Variants in CCDC102B observed in about 807,000 individuals in gnomAD.
CCDC102B encodes the protein coiled-coil domain-containing protein 102B.
A neutral mutation model predicts 57.4 loss-of-function variants in CCDC102B; 75 were observed. The ratio of observed to expected loss-of-function variants is 1.31; its 90% CI spans 1.08 to 1.58. The LOEUF (loss-of-function observed/expected upper bound fraction) is 1.58, where lower values mean the gene tolerates loss of function less well. CCDC102B is among the 40% of genes most tolerant of loss of function. CCDC102B has a pLI of 0.00. For missense variants in CCDC102B, 636 were observed against 582.6 expected, an observed-to-expected ratio of 1.09 and a Z score of -0.94; for synonymous variants, 206 against 201.9, an observed-to-expected ratio of 1.02 and a Z score of -0.17.
chr18:68,768,635 A>T (rs567759437), intron 2 of CCDC102B, among the ~76,000 whole-genome samples: 12 of 152,262 alleles, frequency 7.9e-5, no homozygotes, highest in Admixed American at 3.9e-4. Flanking sequence ...GAGATTTGAT[A>T]TTTTTGTTTA....
chr18:68,889,719 G>A (rs544431338), intron 5 of CCDC102B, among the ~76,000 whole-genome samples: 4 of 152,276 alleles, frequency 2.6e-5, no homozygotes, highest in Non-Finnish European at 2.9e-5. Context: ...GATTACAGGC[G>A]TGAGCCACCG....
chr18:68,857,909 A>T (rs965488242), intron 4 of CCDC102B, among the ~76,000 whole-genome samples: 19 of 152,132 alleles, frequency 1.2e-4, no homozygotes, highest in Admixed American at 2.6e-4. Context: ...TACACTCTGA[A>T]GTTTTTATTT....
intron 6 of CCDC102B, among the ~76,000 whole-genome samples, chr18:69,004,325 T>C (rs1025913444): frequency 1.3e-5 from 2 of 152,174 alleles, no homozygotes; most frequent in African/African-American, 2.4e-5. Flanking sequence ...GCCGTGATCA[T>C]GGGACCTCAG....
In CCDC102B at chr18:68,836,995, C is replaced by T. The variant is rs771477062; in HGVS notation, c.232C>T (p.Leu78Phe). ...TTGTGAAGAACTTCGCCTGCGGGAG[C>T]TTGAAGAAGTCAAGGCCAGAGCTGC... ...DICEELRLRE[L>F]EEVKARAAQM... Residue 78 changes from leucine (L) to phenylalanine (F), a missense_variant, in exon 2 of 8, where the codon CTT becomes TTT. Transcript: ENST00000360242. The T allele has an allele frequency of 6.2e-7, 1 of 1,613,988 alleles. No individual in the cohort carries two copies. Among genetic ancestry groups the T allele is most frequent in the East Asian group, 2.2e-5 (1 of 44,876 alleles).
intron 7 of CCDC102B, among the ~76,000 whole-genome samples, chr18:69,041,776 G>T (rs2052441641): frequency 6.6e-6 from 1 of 151,808 alleles, no homozygotes; most frequent in South Asian, 2.1e-4. Flanking sequence ...CTCTGATTTT[G>T]GTTATTTCTT....
intron 1 of CCDC102B, among the ~76,000 whole-genome samples, chr18:68,810,767 T>A (rs2036233065): frequency 6.9e-6 from 1 of 145,400 alleles, no homozygotes; most frequent in Non-Finnish European, 1.5e-5. Flanking sequence ...GGTATACACG[T>A]GCCATGGTGG....
At chr18:69,011,630 C>CA (rs1217296249) in intron 7 of CCDC102B, among the ~76,000 whole-genome samples, 5 of 151,536 alleles carry the variant, frequency 3.3e-5, no homozygotes, top group African/African-American at 4.9e-5. Context: ...CACACAGTTA[C>CA]AACTGTGGGG....
At position 68,838,908 on chromosome 18, in the gene CCDC102B, T is replaced by C; in HGVS notation, c.809T>C (p.Ile270Thr). ...GTGCATTTGGATGAATTCCAAAAAA[T>C]CTTATGGAAGGAAAGAGAGTAAGTG... ...LQVHLDEFQKILWKEREMRTA... is the reference protein window; with the variant it reads ...LQVHLDEFQKTLWKEREMRTA... The change falls in exon 3 of 8, where the codon ATC becomes ACC. Residue 270 changes from isoleucine (I) to threonine (T), a missense_variant. Ile to Thr is a moderately conservative substitution (Grantham distance 89). Transcript: ENST00000360242. The C allele has an allele frequency of 6.2e-7, 1 of 1,613,726 alleles. No individual in the cohort carries two copies.
intron 6 of CCDC102B, among the ~76,000 whole-genome samples, chr18:68,960,113 G>A (rs1358973089): frequency 6.6e-6 from 1 of 152,154 alleles, no homozygotes; most frequent in Non-Finnish European, 1.5e-5. Flanking sequence ...TACACCTATA[G>A]CCAGTAGAGC....
chr18:68,894,818 A>T (rs527561480), intron 5 of CCDC102B, among the ~76,000 whole-genome samples: 35 of 151,844 alleles, frequency 2.3e-4, no homozygotes, highest in Admixed American at 3.3e-4. Context: ...TACTGCTAAA[A>T]TCATTACTTA....
chr18:69,034,021 TC>T (rs1172160082), intron 7 of CCDC102B, among the ~76,000 whole-genome samples: 1 of 152,046 alleles, frequency 6.6e-6, no homozygotes, highest in Non-Finnish European at 1.5e-5. Flanking sequence ...ATTCACATCT[TC>T]TGCTCATTTC....
intron 6 of CCDC102B, among the ~76,000 whole-genome samples, chr18:68,910,082 T>A (rs1416708610): frequency 6.6e-6 from 1 of 152,038 alleles, no homozygotes; most frequent in Non-Finnish European, 1.5e-5. Context: ...TGAGGCCCGG[T>A]CAAATCATTT....
At chr18:69,027,345 T>A (rs2052020457) in intron 7 of CCDC102B, among the ~76,000 whole-genome samples, 1 of 152,178 alleles carries the variant, frequency 6.6e-6, no homozygotes, top group Non-Finnish European at 1.5e-5. Flanking sequence ...TCCTAATAAG[T>A]CATAAAACTA....
At position 69,017,290 on chromosome 18, in the gene CCDC102B, G is replaced by A. The variant is rs545654600; in HGVS notation, c.1434+6186G>A. 2.8e-4 allele frequency among the ~76,000 whole-genome samples: 43 copies of A among 151,670 alleles called. 2 individuals are homozygous for A. The South Asian group carries it at 8.4e-3, about 29-fold the overall frequency. On this transcript the variant is annotated intron_variant, in intron 7 of 7. Coordinates refer to ENST00000360242, the MANE Select transcript of CCDC102B (RefSeq NM_024781.3). ...GCCACCATGCCTGGCTATTTTTTTT[G>A]TGTGTGTGTTTTTCTGCAGAGATGG...
At chr18:68,880,172 G>A (rs559065195) in intron 5 of CCDC102B, among the ~76,000 whole-genome samples, 4 of 152,324 alleles carry the variant, frequency 2.6e-5, no homozygotes, top group South Asian at 2.1e-4. Context: ...GTGAGAAATC[G>A]AGCGCAGCGC....
At chr18:68,906,264 G>A (rs559685974) in intron 6 of CCDC102B, among the ~76,000 whole-genome samples, 6 of 151,876 alleles carry the variant, frequency 4.0e-5, no homozygotes, top group Middle Eastern at 3.4e-3. Flanking sequence ...TAGCTCTTTT[G>A]AATAGTGCTG....
At chr18:68,951,559 G>A (rs77178629) in intron 6 of CCDC102B, among the ~76,000 whole-genome samples, 1,864 of 152,120 alleles carry the variant, frequency 0.012, 19 homozygotes, top group East Asian at 0.033. Flanking sequence ...CGTAATCCCC[G>A]TACTTTGGGA....
chr18:68,820,655 T>G (rs887442625), intron 1 of CCDC102B, among the ~76,000 whole-genome samples: 6 of 152,156 alleles, frequency 3.9e-5, no homozygotes, highest in Admixed American at 1.3e-4. Flanking sequence ...ATAAATAATC[T>G]TTGCTAGATT....
rs1599478075 is a variant in CCDC102B, at chr18:68,799,114, T to G, written c.-16+933T>G. On this transcript the variant is annotated intron_variant, in intron 1 of 7. Transcript: ENST00000360242. ...GTTATTACAACTTTTGAGTAAATAT[T>G]CTCTTGTTAGTAAAATATGTTATTG... Among the ~76,000 whole-genome samples the G allele has an allele frequency of 2.0e-5, 3 of 152,186 alleles. No homozygotes were observed. In the East Asian group the frequency reaches 5.8e-4, roughly 29 times the overall value.
Sources: gnomAD v4.1 joint callset for allele counts (sites outside exome capture counted in the v4.1 genomes callset) on GRCh38, gnomAD v4.1.1 for gene constraint, MANE v1.5 for transcripts, NCBI Gene and HGNC (gene_info 2026-07-23, HGNC 2026-07-21) for gene names.